Variants in RBL1 observed in about 807,000 individuals in gnomAD.
RBL1 encodes the protein RB transcriptional corepressor like 1, also known as retinoblastoma-like protein 1.
A neutral mutation model predicts 123.0 loss-of-function variants in RBL1; 82 were observed. That is an observed-to-expected ratio of 0.67 (90% CI 0.56 to 0.80). The LOEUF is 0.80. RBL1 is among the 30% of genes least tolerant of loss of function. The pLI is 0.00. For synonymous variants in RBL1, 405 were observed against 441.3 expected, an observed-to-expected ratio of 0.92 and a Z score of 1.03; for missense variants, 1,171 against 1,299.6, an observed-to-expected ratio of 0.90 and a Z score of 1.52.
intron 19 of RBL1, among the ~76,000 whole-genome samples, chr20:37,013,951 G>T (rs1048176201): frequency 6.6e-6 from 1 of 152,164 alleles, no homozygotes; most frequent in African/African-American, 2.4e-5. Context: ...AACCAGAACT[G>T]TTTTTCCCAA....
rs371434822 is a variant in RBL1, at chr20:37,067,132, GAAA to G, written c.557-14_557-12del. 9.1e-4 allele frequency: 1,291 copies of G among 1,411,948 alleles called. No individual in the cohort carries two copies. The highest frequency in any genetic ancestry group is 3.3e-3 in the Admixed American group (126 of 38,522). 87.5% of individuals were successfully genotyped at this position (1,411,948 alleles called of 1,614,324 possible). A position where few individuals can be genotyped will look rare whatever the true frequency, so the allele number is the denominator to read the frequency against. On this transcript the variant is annotated splice_polypyrimidine_tract_variant and intron_variant, in intron 4 of 21. Transcript: ENST00000373664. ...TCATCCGAAAATTACCTTTATAAGG[GAAA>G]AAAAAAAAAAAAAGACACAAAAACC...
intron 9 of RBL1, 119 bp from the exon 10 acceptor site, chr20:37,056,377 C>T (rs1157013979): frequency 1.0e-5 from 12 of 1,198,248 alleles, no homozygotes; most frequent in African/African-American, 5.9e-5. Flanking sequence ...TTTTTTGAGA[C>T]GGAGTCTCGC....
At chr20:37,000,439 G>A (rs1232659719) in intron 21 of RBL1, among the ~76,000 whole-genome samples, 1,107 of 140,664 alleles carry the variant, frequency 7.9e-3, no homozygotes, top group Admixed American at 0.014. Context: ...CCTCTGCCCA[G>A]CCAGCTGCCC....
At chr20:37,090,068 G>A (rs1029501500) in intron 1 of RBL1, among the ~76,000 whole-genome samples, 2 of 152,088 alleles carry the variant, frequency 1.3e-5, no homozygotes, top group East Asian at 1.9e-4. Context: ...AAAAAAGATT[G>A]TAATACTGTA....
intron 14 of RBL1, among the ~76,000 whole-genome samples, chr20:37,038,539 T>C (rs1215646479): frequency 6.7e-6 from 1 of 149,812 alleles, no homozygotes; most frequent in African/African-American, 2.5e-5. Context: ...GACCTCATGA[T>C]TGACCTGCCT....
rs779463204 is a variant in RBL1 at position 37,067,270 on chromosome 20, CAG to C, written c.517_518del (p.Leu173ValfsTer2). 8 of 1,606,666 alleles carry C rather than the reference CAG, an allele frequency of 5.0e-6. No individual in the cohort carries two copies. The highest frequency in any genetic ancestry group is 5.9e-6 in the Non-Finnish European group (7 of 1,178,036). ...QRRIPCSVKD[L>X]FNFCWTLFVY... is the part of the protein sequence containing the mutation. ...CAAAAAGTGTCCAACAGAAATTAAA[CAG>C]ATCCTTAACACTGCAAGGAATCCTC... is the stretch of plus-strand genomic sequence containing the variant. On this transcript the variant is annotated frameshift_variant, in exon 4 of 22. Transcript: ENST00000373664. LOFTEE classifies it high-confidence loss of function.
Position 36,996,987 on chromosome 20 carries a change from G to C in RBL1, c.*1772C>G, listed in dbSNP as rs769158039. The C allele has an allele frequency of 2.0e-5, 3 of 152,130 alleles. No individual in the cohort carries two copies. The highest frequency in any genetic ancestry group is 4.4e-5 in the Non-Finnish European group (3 of 68,028). 9.4% of individuals were successfully genotyped at this position (152,130 alleles called of 1,614,324 possible). On this transcript the variant is annotated 3_prime_UTR_variant, in exon 22 of 22. Coordinates refer to ENST00000373664, the MANE Select transcript of RBL1 (RefSeq NM_002895.5). ...ATGAAATTCTTGAGAATACTAATTAGTGACGGCCAAATCTTAGACTATTTT... is the reference window on the plus strand; with the variant it reads ...ATGAAATTCTTGAGAATACTAATTACTGACGGCCAAATCTTAGACTATTTT...
intron 9 of RBL1, among the ~76,000 whole-genome samples, chr20:37,060,466 A>G (rs2146293008): frequency 6.6e-6 from 1 of 152,254 alleles, no homozygotes; most frequent in South Asian, 2.1e-4. Flanking sequence ...CTCCCATGAA[A>G]TAACATTATA....
At chr20:37,049,783 C>G in intron 11 of RBL1, 1 of 501,024 alleles carries the variant, frequency 2.0e-6, no homozygotes, top group South Asian at 3.4e-5. Flanking sequence ...AGAAAAAAGG[C>G]CAGACATGGT....
chr20:37,093,368 T>C (rs535575952), intron 1 of RBL1, among the ~76,000 whole-genome samples: 1 of 149,328 alleles, frequency 6.7e-6, no homozygotes, highest in African/African-American at 2.4e-5. Flanking sequence ...TGGGCTGGGC[T>C]CGGTGGCTCA....
intron 12 of RBL1, among the ~76,000 whole-genome samples, chr20:37,045,199 C>T (rs1488471779): frequency 3.3e-5 from 5 of 151,896 alleles, no homozygotes; most frequent in African/African-American, 1.2e-4. Flanking sequence ...CTCTGCCTCC[C>T]AGGTTCAAGC....
chr20:37,062,518 T>A (rs1335136165), intron 7 of RBL1, among the ~76,000 whole-genome samples: 1 of 151,954 alleles, frequency 6.6e-6, no homozygotes, highest in Non-Finnish European at 1.5e-5. Context: ...TAGTTGAATC[T>A]AATTATGAAA....
intron 14 of RBL1, among the ~76,000 whole-genome samples, chr20:37,036,879 C>A (rs2146255293): frequency 6.6e-6 from 1 of 152,260 alleles, no homozygotes; most frequent in South Asian, 2.1e-4. Flanking sequence ...CCCGCCTCGG[C>A]CTCCCAAAGT....
chr20:37,075,930 T>C (rs191768652), intron 2 of RBL1, among the ~76,000 whole-genome samples: 1 of 152,340 alleles, frequency 6.6e-6, no homozygotes. Context: ...GGTGTTGTTT[T>C]TTAATAAGTA....
intron 21 of RBL1, among the ~76,000 whole-genome samples, chr20:36,999,238 T>C (rs930617291): frequency 1.8e-4 from 28 of 152,170 alleles, no homozygotes; most frequent in Middle Eastern, 3.4e-3. Flanking sequence ...AAACCTGGTC[T>C]CTACAAAAAA....
chr20:37,044,278 G>A (rs1360722442), intron 12 of RBL1, 28 bp from the exon 13 acceptor site: 1 of 1,610,696 alleles, frequency 6.2e-7, no homozygotes, highest in African/African-American at 1.3e-5. Flanking sequence ...AGAAGGCAAT[G>A]TGGTTTCAAG....
At chr20:37,071,613 G>GCTA (rs1329159535) in intron 2 of RBL1, among the ~76,000 whole-genome samples, 1 of 152,168 alleles carries the variant, frequency 6.6e-6, no homozygotes, top group African/African-American at 2.4e-5. Flanking sequence ...TCATGAACAT[G>GCTA]CTACTGCCTG....
intron 2 of RBL1, among the ~76,000 whole-genome samples, chr20:37,082,311 C>T (rs1362327293): frequency 6.6e-6 from 1 of 152,176 alleles, no homozygotes; most frequent in Non-Finnish European, 1.5e-5. Context: ...AGCTAAACAG[C>T]TGAGTTACCA....
Position 37,056,131 on chromosome 20 carries a change from GTTTTC to G in RBL1, c.1363+10_1363+14del, listed in dbSNP as rs1313286291. ...TATTTTCAATGCTATGCCAACTGTA[GTTTTC>G]TTTTCTTACCTATGTGAGATCCTGG... On this transcript the variant is annotated intron_variant, in intron 10 of 21. Coordinates refer to ENST00000373664, the MANE Select transcript of RBL1 (RefSeq NM_002895.5). 22 of 1,599,152 alleles carry G rather than the reference GTTTTC, an allele frequency of 1.4e-5. No homozygotes were observed. Among genetic ancestry groups the G allele is most frequent in the Non-Finnish European group, 1.9e-5 (22 of 1,176,640 alleles).
Sources: gnomAD v4.1 joint callset for allele counts (sites outside exome capture counted in the v4.1 genomes callset) on GRCh38, gnomAD v4.1.1 for gene constraint, MANE v1.5 for transcripts, NCBI Gene and HGNC (gene_info 2026-07-23, HGNC 2026-07-21) for gene names.